PPP1R21: variants seen among roughly 807,000 people sequenced by gnomAD.
The protein encoded by PPP1R21 is protein phosphatase 1 regulatory subunit 21, also known as KLRAQ motif containing 1.
Under a neutral mutation model 112.8 loss-of-function variants are expected in PPP1R21, and 85 were observed. The ratio of observed to expected loss-of-function variants is 0.75; its 90% CI spans 0.63 to 0.90. The LOEUF (loss-of-function observed/expected upper bound fraction) is 0.90. PPP1R21 is among the 40% of genes least tolerant of loss of function. The probability of loss-of-function intolerance (pLI) is 0.00; values close to 1 mark genes in which losing one functional copy is unlikely to be tolerated. For missense variants in PPP1R21, 1,199 were observed against 901.5 expected, an observed-to-expected ratio of 1.33 and a Z score of -4.23; for synonymous variants, 381 against 322.3, an observed-to-expected ratio of 1.18 and a Z score of -1.95.
chr2:48,474,606 G>T (rs1226472587), intron 11 of PPP1R21, 77 bp from the exon 12 acceptor site: 2 of 1,313,538 alleles, frequency 1.5e-6, no homozygotes, highest in African/African-American at 1.5e-5. Flanking sequence ...ATAGTTGTTT[G>T]AGAACTTGGT....
chr2:48,487,870 A>C (rs2103926183), intron 14 of PPP1R21, among the ~76,000 whole-genome samples: 1 of 152,250 alleles, frequency 6.6e-6, no homozygotes, highest in Middle Eastern at 3.4e-3. Flanking sequence ...TTTAATGATT[A>C]AGATTTTTCT....
intron 3 of PPP1R21, among the ~76,000 whole-genome samples, chr2:48,455,261 C>G (rs1167991928): frequency 6.6e-6 from 1 of 151,666 alleles, no homozygotes. Context: ...ATTCTCCTGC[C>G]TCAACCTCCC....
intron 3 of PPP1R21, 137 bp downstream of exon 3, chr2:48,454,878 C>CA: frequency 2.9e-6 from 2 of 683,920 alleles, no homozygotes; most frequent in Non-Finnish European, 2.5e-6. Flanking sequence ...CTTGCTCTGC[C>CA]ACCCATGCTG....
intron 7 of PPP1R21, among the ~76,000 whole-genome samples, chr2:48,464,248 A>G (rs1281462635): frequency 6.6e-6 from 1 of 152,182 alleles, no homozygotes; most frequent in Non-Finnish European, 1.5e-5. Context: ...CTGGGTGACT[A>G]TGCCACAGGA....
At chr2:48,505,423 A>G (rs1489607122) in intron 17 of PPP1R21, 141 bp from the exon 18 acceptor site, 13 of 647,250 alleles carry the variant, frequency 2.0e-5, no homozygotes, top group East Asian at 1.7e-4. Flanking sequence ...CCTTGTAGTA[A>G]AAGACAGTCC....
At chr2:48,507,499 C>CTACT in intron 19 of PPP1R21, 114 bp downstream of exon 19, 2 of 1,469,292 alleles carry the variant, frequency 1.4e-6, no homozygotes, top group Non-Finnish European at 1.8e-6. Context: ...TCCCAAGTAG[C>CTACT]TGGGACTATG....
At chr2:48,479,098 C>T (rs1668887988) in intron 12 of PPP1R21, among the ~76,000 whole-genome samples, 1 of 152,148 alleles carries the variant, frequency 6.6e-6, no homozygotes, top group South Asian at 2.1e-4. Context: ...CAGGGCCCCA[C>T]TTTTCTTGGC....
intron 15 of PPP1R21, among the ~76,000 whole-genome samples, chr2:48,492,033 T>A (rs1291211949): frequency 1.3e-5 from 2 of 152,244 alleles, no homozygotes; most frequent in Non-Finnish European, 2.9e-5. Context: ...ATTTAAGTTG[T>A]TGCCTGTTTT....
intron 12 of PPP1R21, among the ~76,000 whole-genome samples, chr2:48,477,116 A>ATTTTT (rs779139882): frequency 2.3e-4 from 26 of 114,758 alleles, no homozygotes; most frequent in Non-Finnish European, 3.1e-4. Flanking sequence ...TTTTGAATTA[A>ATTTTT]TTTTTTTTTT....
At chr2:48,442,417 G>A in intron 1 of PPP1R21, among the ~76,000 whole-genome samples, 1 of 152,294 alleles carries the variant, frequency 6.6e-6, no homozygotes, top group South Asian at 2.1e-4. Flanking sequence ...AAAATGTTTT[G>A]AGTAGGGACT....
chr2:48,468,881 A>G (rs1449738239), intron 9 of PPP1R21, among the ~76,000 whole-genome samples: 3 of 150,840 alleles, frequency 2.0e-5, no homozygotes, highest in African/African-American at 7.3e-5. Flanking sequence ...ATGTGTGTAT[A>G]TATATGTATA....
intron 1 of PPP1R21, among the ~76,000 whole-genome samples, chr2:48,448,590 AT>A (rs1667348142): frequency 4.2e-5 from 1 of 23,932 alleles, no homozygotes; most frequent in African/African-American, 1.4e-4. Flanking sequence ...ATGAAATAAA[AT>A]CTAACGTCTT....
chr2:48,451,848 T>G (rs1257515875), intron 2 of PPP1R21, among the ~76,000 whole-genome samples: 1 of 152,192 alleles, frequency 6.6e-6, no homozygotes, highest in Admixed American at 6.5e-5. Context: ...GATAAGCCCC[T>G]GATCAGTAAT....
chr2:48,459,902 A>T lies in PPP1R21; in HGVS notation c.524A>T (p.Asp175Val), dbSNP rs780723061. 2.5e-6 allele frequency: 4 copies of T among 1,613,920 alleles called. No homozygotes were observed. The South Asian group carries it at 4.4e-5, about 18-fold the overall frequency. The change falls in exon 5 of 22, where the codon GAC becomes GTC. Residue 175 changes from aspartate to valine, a missense_variant. Transcript: ENST00000294952. ...YMETIEKLQN[D>V]KAKLEVKSQT... ...GAAACCATTGAGAAGCTGCAGAACGACAAGGCTAAACTAGAAGTAAGCCCC... is the reference window on the plus strand; with the variant it reads ...GAAACCATTGAGAAGCTGCAGAACGTCAAGGCTAAACTAGAAGTAAGCCCC...
At chr2:48,492,104 T>G (rs1024191173) in intron 15 of PPP1R21, among the ~76,000 whole-genome samples, 3 of 152,202 alleles carry the variant, frequency 2.0e-5, no homozygotes, top group African/African-American at 7.2e-5. Flanking sequence ...TGCATTTTAC[T>G]TTTTTCTCAT....
In PPP1R21 at chr2:48,511,323, T is replaced by A; in HGVS notation, c.2185-17T>A. The A allele has an allele frequency of 1.2e-6, 2 of 1,603,466 alleles. No individual in the cohort carries two copies. The highest frequency in any genetic ancestry group is 2.2e-5 in the East Asian group (1 of 44,786). ...ACTCGTGGGATGTTGATTTTTGTCT[T>A]TTTCTTTGCTATTTAGGATGAGCTG... On this transcript the variant is annotated splice_polypyrimidine_tract_variant and intron_variant, in intron 20 of 21. Transcript: ENST00000294952.
At chr2:48,475,542 T>C (rs892423851) in intron 12 of PPP1R21, among the ~76,000 whole-genome samples, 2 of 151,956 alleles carry the variant, frequency 1.3e-5, no homozygotes, top group Non-Finnish European at 2.9e-5. Flanking sequence ...CCCTTTGGCC[T>C]AACTTCAAAA....
At position 48,459,869 on chromosome 2, in the gene PPP1R21, A is replaced by G. The variant is rs964895733; in HGVS notation, c.491A>G (p.Lys164Arg). Residue 164 changes from lysine to arginine, a missense_variant, in exon 5 of 22, where the codon AAG becomes AGG. By Grantham distance (26) the Lys-to-Arg change is conservative. Transcript: ENST00000294952. ...HQAVVDGLTR[K>R]YMETIEKLQN... ...GCTGTGGTTGACGGTCTCACCCGGA[A>G]GTACATGGAAACCATTGAGAAGCTG... 3.7e-6 allele frequency: 6 copies of G among 1,614,226 alleles called. No individual in the cohort carries two copies. Among genetic ancestry groups the G allele is most frequent in the Non-Finnish European group, 5.1e-6 (6 of 1,180,040 alleles).
intron 21 of PPP1R21, 69 bp downstream of exon 21, chr2:48,511,537 C>T: frequency 1.9e-6 from 3 of 1,562,612 alleles, no homozygotes; most frequent in African/African-American, 2.7e-5. Context: ...TATTGTTATG[C>T]ATTTCAGGAG....
Sources: gnomAD v4.1 joint callset for allele counts (sites outside exome capture counted in the v4.1 genomes callset) on GRCh38, gnomAD v4.1.1 for gene constraint, MANE v1.5 for transcripts, NCBI Gene and HGNC (gene_info 2026-07-23, HGNC 2026-07-21) for gene names.